Variants in CCT3 observed in about 807,000 individuals in gnomAD.
CCT3 encodes T-complex protein 1 subunit gamma.
Under a neutral mutation model 65.3 loss-of-function variants are expected in CCT3, and 10 were observed. The observed-to-expected ratio is 0.15, with a 90% confidence interval of 0.09 to 0.26. The LOEUF is 0.26. Ranked by LOEUF, CCT3 falls within the 10% of genes least tolerant of loss-of-function variation. The pLI is 1.00. For missense variants in CCT3, 626 were observed against 708.7 expected (o/e 0.88, Z 1.33); for synonymous variants, 225 against 242.3 (o/e 0.93, Z 0.66).
Position 156,338,218 on chromosome 1 carries a change from G to A in CCT3, c.-34C>T, listed in dbSNP as rs559809171. The A allele has an allele frequency of 1.3e-6, 2 of 1,574,654 alleles. No homozygotes were observed. The highest frequency in any genetic ancestry group is 1.9e-5 in the Admixed American group (1 of 51,798). On this transcript the variant is annotated 5_prime_UTR_variant, in exon 1 of 14. Transcript: ENST00000295688. ...GATGCAGAGCCGGGTACCCAGAGCT[G>A]GGGGAACCGGCAGAACCTTCTGGAG...
intron 7 of CCT3, among the ~76,000 whole-genome samples, chr1:156,319,812 A>G (rs754996416): frequency 2.0e-5 from 3 of 152,208 alleles, no homozygotes; most frequent in Non-Finnish European, 2.9e-5. Flanking sequence ...AAGCTATACT[A>G]CTAAACTTTT....
At chr1:156,333,732 T>C in intron 4 of CCT3, 89 bp from the exon 5 acceptor site, 4 of 900,132 alleles carry the variant, frequency 4.4e-6, no homozygotes, top group Non-Finnish European at 7.2e-6. Context: ...TTCTTGCTTC[T>C]ATACGTACTT....
intron 6 of CCT3, 23 bp downstream of exon 6, chr1:156,324,949 C>T: frequency 6.8e-7 from 1 of 1,478,458 alleles, no homozygotes; most frequent in Non-Finnish European, 9.5e-7. Flanking sequence ...TTTGATACTA[C>T]CTATTTCTTG....
intron 1 of CCT3, among the ~76,000 whole-genome samples, chr1:156,336,720 C>G (rs759152854): frequency 5.3e-5 from 8 of 152,142 alleles, no homozygotes; most frequent in Non-Finnish European, 1.0e-4. Context: ...ACCAAACCAA[C>G]ATAATGTTTA....
chr1:156,317,900 G>C (rs2101640883), intron 8 of CCT3, among the ~76,000 whole-genome samples: 1 of 152,034 alleles, frequency 6.6e-6, no homozygotes, highest in East Asian at 1.9e-4. Context: ...TTTTAGTAGA[G>C]ACGGGGTTTC....
intron 8 of CCT3, among the ~76,000 whole-genome samples, chr1:156,318,302 C>A (rs564133632): frequency 3.5e-4 from 52 of 149,082 alleles, no homozygotes; most frequent in Middle Eastern, 3.6e-3. Flanking sequence ...CAGCTCCTTG[C>A]ACCCTTGACC....
Position 156,312,169 on chromosome 1 carries a change from C to T in CCT3, c.1027G>A (p.Val343Ile). 6.2e-7 allele frequency: 1 copy of T among 1,614,168 alleles called. No homozygotes were observed. Among genetic ancestry groups the T allele is most frequent in the East Asian group, 2.2e-5 (1 of 44,876 alleles). Reference sequence around the variant, plus strand: ...TCCAACAGGCCTGCTCCTGTTCCAACATCATCTTCTCTCAGTTCCTCTGGT... The same window carrying T: ...TCCAACAGGCCTGCTCCTGTTCCAATATCATCTTCTCTCAGTTCCTCTGGT... ...SRPEELREDD[V>I]GTGAGLLEIK... Residue 343 changes from valine (V) to isoleucine (I), a missense_variant, in exon 11 of 14, where the codon GTT (valine) becomes ATT (isoleucine). Transcript: ENST00000295688.
At chr1:156,335,790 G>A in intron 2 of CCT3, 37 bp downstream of exon 2, 1 of 1,568,842 alleles carries the variant, frequency 6.4e-7, no homozygotes, top group Non-Finnish European at 8.8e-7. Context: ...AAGATAGCTG[G>A]AGGCAAACTA....
Position 156,333,594 on chromosome 1 carries a change from G to A in CCT3, c.257C>T (p.Thr86Ile). The A allele has an allele frequency of 6.2e-7, 1 of 1,613,964 alleles. No individual in the cohort carries two copies. The highest frequency in any genetic ancestry group is 8.5e-7 in the Non-Finnish European group (1 of 1,179,926). ...AAKSMIEISR[T>I]QDEEVGDGTT... The stretch of plus-strand genomic sequence containing the variant: ...CCCATCTCCAACCTCTTCATCCTGG[G>A]TCCGGCTAATTTCGATCATGGACTT... The change falls in exon 5 of 14, where the codon ACC becomes ATC. Residue 86 changes from threonine to isoleucine, a missense_variant. Thr to Ile is a moderately conservative substitution (Grantham distance 89). Coordinates refer to ENST00000295688, the MANE Select transcript of CCT3 (RefSeq NM_005998.5).
At position 156,333,655 on chromosome 1, in the gene CCT3, G is replaced by T. The variant is rs753884881; in HGVS notation, c.208-12C>A. 7 of 1,604,462 alleles carry T rather than the reference G, an allele frequency of 4.4e-6. No homozygotes were observed. The South Asian group carries it at 6.6e-5, about 15-fold the overall frequency. On this transcript the variant is annotated splice_polypyrimidine_tract_variant and intron_variant, in intron 4 of 13. Transcript: ENST00000295688. Reference sequence around the variant, plus strand: ...TGCTGGACTTGAATCTAAAAAGGTAGATCACTAGTGAATTCACACTATTCA... The same window carrying T: ...TGCTGGACTTGAATCTAAAAAGGTATATCACTAGTGAATTCACACTATTCA...
At chr1:156,337,883 A>AG (rs1665509992) in intron 1 of CCT3, 2 of 526,020 alleles carry the variant, frequency 3.8e-6, no homozygotes, top group African/African-American at 3.9e-5. Flanking sequence ...GTGGGGGCTG[A>AG]GGGACAGAAC....
chr1:156,311,960 G>A, intron 11 of CCT3, 81 bp downstream of exon 11: 2 of 1,165,462 alleles, frequency 1.7e-6, no homozygotes, highest in Non-Finnish European at 2.3e-6. Context: ...ATGGACCACA[G>A]AATTATTTTA....
chr1:156,320,754 C>A, intron 7 of CCT3, 85 bp downstream of exon 7: 1 of 1,013,622 alleles, frequency 9.9e-7, no homozygotes. Context: ...AAAACAACGG[C>A]ATGAAAAACA....
chr1:156,321,008 C>T lies in CCT3; in HGVS notation c.440G>A (p.Ser147Asn), dbSNP rs778086958. 65 of 1,613,106 alleles carry T rather than the reference C, an allele frequency of 4.0e-5. No homozygotes were observed. The highest frequency in any genetic ancestry group is 2.0e-5 in the Non-Finnish European group (24 of 1,179,386). ...LKKISIPVDI[S>N]DSDMMLNIIN... is the part of the protein sequence containing the mutation. ...GATGTTCAGCATCATATCACTGTCA[C>T]TGATGTCGACTGGGATACTAGAGAA... Residue 147 changes from serine to asparagine, a missense_variant, in exon 7 of 14, where the codon AGT becomes AAT. Transcript: ENST00000295688.
At chr1:156,309,589 G>A (rs762767753) in intron 13 of CCT3, among the ~76,000 whole-genome samples, 2 of 151,906 alleles carry the variant, frequency 1.3e-5, no homozygotes, top group Non-Finnish European at 2.9e-5. Flanking sequence ...ACCATGCCTG[G>A]CTAATTTTGT....
At chr1:156,323,442 G>A (rs538012090) in intron 6 of CCT3, among the ~76,000 whole-genome samples, 17 of 151,958 alleles carry the variant, frequency 1.1e-4, no homozygotes, top group Admixed American at 9.8e-4. Context: ...CCAGTTGGGC[G>A]TGGAAAAAAT....
At chr1:156,310,469 G>A (rs1664035158) in intron 13 of CCT3, 89 bp downstream of exon 13, 2 of 1,008,292 alleles carry the variant, frequency 2.0e-6, no homozygotes, top group Non-Finnish European at 2.7e-6. Flanking sequence ...ACTCCAGCCT[G>A]GGTGACTGAG....
chr1:156,314,115 T>C (rs1304449711), intron 10 of CCT3, among the ~76,000 whole-genome samples: 8 of 146,806 alleles, frequency 5.4e-5, no homozygotes, highest in Non-Finnish European at 4.5e-5. Context: ...GTCAACATTA[T>C]GAAAGAGAAC....
chr1:156,328,034 G>C (rs1664914949), intron 5 of CCT3, among the ~76,000 whole-genome samples: 1 of 4,250 alleles, frequency 2.4e-4, no homozygotes, highest in South Asian at 0.011. Context: ...CGTCCGGGAG[G>C]GAGGTGGGGG....
Sources: gnomAD v4.1 joint callset for allele counts (sites outside exome capture counted in the v4.1 genomes callset) on GRCh38, gnomAD v4.1.1 for gene constraint, MANE v1.5 for transcripts, NCBI Gene and HGNC (gene_info 2026-07-23, HGNC 2026-07-21) for gene names.